CLVS2: variants seen among roughly 807,000 people sequenced by gnomAD.
CLVS2 encodes the protein clavesin-2.
In CLVS2, 19 loss-of-function variants were observed where a neutral mutation model predicts 29.0. The ratio of observed to expected loss-of-function variants is 0.66; its 90% CI spans 0.46 to 0.96. The LOEUF (loss-of-function observed/expected upper bound fraction) is 0.96, where lower values mean the gene tolerates loss of function less well. Among genes scored for constraint, CLVS2 ranks in the 40% least tolerant of loss-of-function variants. The probability of loss-of-function intolerance (pLI) is 0.00; values close to 1 mark genes in which losing one functional copy is unlikely to be tolerated. For missense variants in CLVS2, 294 were observed against 404.1 expected (o/e 0.73, Z 2.34); for synonymous variants, 161 against 151.3 (o/e 1.06, Z -0.47).
intron 3 of CLVS2, among the ~76,000 whole-genome samples, chr6:123,019,999 A>T (rs1471573221): frequency 6.6e-6 from 1 of 151,800 alleles, no homozygotes; most frequent in Non-Finnish European, 1.5e-5. Flanking sequence ...CTTTTGACAG[A>T]TTGGATGAAG....
intron 2 of CLVS2, among the ~76,000 whole-genome samples, chr6:123,001,560 A>G (rs1217467762): frequency 2.3e-4 from 35 of 152,212 alleles, no homozygotes. Flanking sequence ...TGCCTTACAT[A>G]ATTTCTGACA....
intron 3 of CLVS2, among the ~76,000 whole-genome samples, chr6:123,029,890 G>C (rs1054230749): frequency 6.6e-6 from 1 of 152,186 alleles, no homozygotes; most frequent in Non-Finnish European, 1.5e-5. Flanking sequence ...CATTAAAACA[G>C]ATCGATGAAG....
At chr6:123,049,809 GGC>G (rs201813679) in intron 4 of CLVS2, among the ~76,000 whole-genome samples, 14,413 of 146,606 alleles carry the variant, frequency 0.098, 2,734 homozygotes, top group African/African-American at 0.34. Flanking sequence ...TGGGATGGGG[GGC>G]GGGGAGGAAT....
At chr6:123,009,605 C>T (rs77932775) in intron 2 of CLVS2, among the ~76,000 whole-genome samples, 5 of 151,924 alleles carry the variant, frequency 3.3e-5, no homozygotes, top group Admixed American at 1.3e-4. Context: ...GGAATGATTT[C>T]GACTCCTAAT....
Position 123,071,799 on chromosome 6 carries a change from G to T in CLVS2, c.*8038G>T, listed in dbSNP as rs1772953845. ...TCTATATATTATAGTCATTTAGTCT[G>T]TGAACCATTTTAACAATTGGGTTTC... On this transcript the variant is annotated 3_prime_UTR_variant, in exon 6 of 6. Coordinates refer to ENST00000275162, the MANE Select transcript of CLVS2 (RefSeq NM_001010852.4). The T allele has an allele frequency of 6.6e-6, 1 of 151,954 alleles. No individual in the cohort carries two copies. Among genetic ancestry groups the T allele is most frequent in the African/African-American group, 2.4e-5 (1 of 41,412 alleles). The allele number at this position is 151,954 out of a possible 1,614,324, so 9.4% of individuals were successfully genotyped here.
chr6:123,030,837 A>T (rs202219531), intron 3 of CLVS2, among the ~76,000 whole-genome samples: 14 of 146,180 alleles, frequency 9.6e-5, no homozygotes, highest in South Asian at 2.1e-4. Context: ...ATATATATAA[A>T]ATATATATAT....
At chr6:123,043,862 T>G (rs1343596128) in intron 3 of CLVS2, among the ~76,000 whole-genome samples, 1 of 152,234 alleles carries the variant, frequency 6.6e-6, no homozygotes, top group Non-Finnish European at 1.5e-5. Flanking sequence ...TAGAATAATG[T>G]GCTATGGTTC....
chr6:123,004,288 C>T (rs1446433438), intron 2 of CLVS2, among the ~76,000 whole-genome samples: 2 of 152,072 alleles, frequency 1.3e-5, no homozygotes, highest in Non-Finnish European at 2.9e-5. Context: ...TTTCTTTACC[C>T]GTCTTCTTCA....
chr6:122,999,346 T>C (rs1193536783), intron 2 of CLVS2, among the ~76,000 whole-genome samples: 1 of 152,222 alleles, frequency 6.6e-6, no homozygotes, highest in African/African-American at 2.4e-5. Flanking sequence ...TCTCTCATTT[T>C]ATTGTGATTT....
intron 2 of CLVS2, among the ~76,000 whole-genome samples, chr6:123,002,631 G>C (rs199655243): frequency 1.2e-5 from 1 of 85,880 alleles, no homozygotes; most frequent in East Asian, 5.9e-4. Flanking sequence ...AACAGGAATA[G>C]ATTAAAACAG....
At chr6:123,008,818 C>A (rs755055944) in intron 2 of CLVS2, among the ~76,000 whole-genome samples, 92 of 151,814 alleles carry the variant, frequency 6.1e-4, no homozygotes, top group Non-Finnish European at 1.1e-3. Context: ...GGAGGTAGGC[C>A]AGCCATAAAG....
chr6:123,015,823 G>A (rs368070860), intron 3 of CLVS2, among the ~76,000 whole-genome samples: 19 of 152,020 alleles, frequency 1.2e-4, no homozygotes, highest in African/African-American at 4.3e-4. Context: ...GAAGGCCAAG[G>A]GGAAGCCACT....
chr6:123,017,788 T>A (rs55834961), intron 3 of CLVS2, among the ~76,000 whole-genome samples: 1 of 152,120 alleles, frequency 6.6e-6, no homozygotes, highest in South Asian at 2.1e-4. Context: ...TGCCTATGTA[T>A]GTACATATAA....
intron 3 of CLVS2, among the ~76,000 whole-genome samples, chr6:123,024,319 A>G (rs1197716015): frequency 6.6e-6 from 1 of 152,190 alleles, no homozygotes; most frequent in African/African-American, 2.4e-5. Context: ...TTCCTAGGAC[A>G]CAAAACTTGA....
intron 3 of CLVS2, among the ~76,000 whole-genome samples, chr6:123,016,919 C>T (rs1774843387): frequency 6.6e-6 from 1 of 152,040 alleles, no homozygotes. Flanking sequence ...AAGCCCAGTC[C>T]TACCTAGGGA....
At position 123,043,306 on chromosome 6, in the gene CLVS2, T is replaced by C. The variant is rs982489230; in HGVS notation, c.565-5316T>C. 2.2e-4 allele frequency among the ~76,000 whole-genome samples: 33 copies of C among 152,306 alleles called. 2 individuals are homozygous for C. The highest frequency in any genetic ancestry group is 1.6e-3 in the Admixed American group (25 of 15,298). ...TTATACTTTTTTTGTATTGAAAATG[T>C]CTAGAGTAAGTATCTTTTATATTTA... On this transcript the variant is annotated intron_variant, in intron 3 of 5. Coordinates refer to ENST00000275162, the MANE Select transcript of CLVS2 (RefSeq NM_001010852.4).
At position 122,997,822 on chromosome 6, in the gene CLVS2, A is replaced by T; in HGVS notation, c.45A>T (p.Lys15Asn). ...GTCTCTCCCCTGAGACCCTGGAGAAAGCTCGCCTGGAGCTCAATGAAAACC... is the reference window on the plus strand; with the variant it reads ...GTCTCTCCCCTGAGACCCTGGAGAATGCTCGCCTGGAGCTCAATGAAAACC... ...QAGLSPETLE[K>N]ARLELNENPD... The change falls in exon 2 of 6, where the codon AAA (lysine) becomes AAT (asparagine). Residue 15 changes from lysine to asparagine, a missense_variant. By Grantham distance (94) the Lys-to-Asn change is moderately conservative. Coordinates refer to ENST00000275162, the MANE Select transcript of CLVS2 (RefSeq NM_001010852.4). 1 of 1,614,102 alleles carries T rather than the reference A, an allele frequency of 6.2e-7. No individual in the cohort carries two copies.
intron 2 of CLVS2, among the ~76,000 whole-genome samples, chr6:122,999,111 T>G (rs1026852605): frequency 6.6e-6 from 1 of 152,200 alleles, no homozygotes; most frequent in Non-Finnish European, 1.5e-5. Flanking sequence ...GGACTTAAAA[T>G]GCTACCAGAG....
At chr6:123,031,027 G>A (rs908800715) in intron 3 of CLVS2, among the ~76,000 whole-genome samples, 1 of 151,706 alleles carries the variant, frequency 6.6e-6, no homozygotes, top group Non-Finnish European at 1.5e-5. Flanking sequence ...CAACCTCCTG[G>A]GCTCAAGTGA....
Sources: allele counts gnomAD v4.1 joint callset (sites outside exome capture counted in the v4.1 genomes callset), GRCh38; gene constraint gnomAD v4.1.1; transcripts MANE v1.5; gene names NCBI Gene and HGNC (gene_info 2026-07-23, HGNC 2026-07-21).